NOSIP: variants seen among roughly 807,000 people sequenced by gnomAD.
The protein encoded by NOSIP is nitric oxide synthase-interacting protein.
A neutral mutation model predicts 36.4 loss-of-function variants in NOSIP; 25 were observed. The observed-to-expected ratio is 0.69, with a 90% CI of 0.50 to 0.96. The LOEUF (loss-of-function observed/expected upper bound fraction) is 0.96, where lower values mean the gene tolerates loss of function less well. Ranked by LOEUF, NOSIP falls within the 40% of genes least tolerant of loss-of-function variation. The probability of loss-of-function intolerance (pLI) is 0.00; values close to 1 mark genes in which losing one functional copy is unlikely to be tolerated. For missense variants in NOSIP, 370 were observed against 429.0 expected (o/e 0.86, Z 1.21); for synonymous variants, 187 against 179.2 (o/e 1.04, Z -0.35).
chr19:49,572,972 CAAA>C (rs5828405), intron 1 of NOSIP, among the ~76,000 whole-genome samples: 8 of 60,786 alleles, frequency 1.3e-4, no homozygotes, highest in Non-Finnish European at 9.9e-5. Context: ...GACTGTGTCT[CAAA>C]AAAAAAAAAA....
intron 1 of NOSIP, among the ~76,000 whole-genome samples, chr19:49,563,120 G>C (rs1167427603): frequency 6.6e-6 from 1 of 151,842 alleles, no homozygotes; most frequent in South Asian, 2.1e-4. Flanking sequence ...CTTTGAACTT[G>C]TATTTCCGTT....
chr19:49,570,565 CCT>C (rs1203361199), intron 1 of NOSIP, among the ~76,000 whole-genome samples: 2 of 152,112 alleles, frequency 1.3e-5, no homozygotes, highest in Admixed American at 6.6e-5. Flanking sequence ...CAATGTGCCC[CCT>C]GAGGCAGCCA....
intron 1 of NOSIP, among the ~76,000 whole-genome samples, chr19:49,573,823 T>C (rs2080517055): frequency 6.6e-6 from 1 of 151,886 alleles, no homozygotes; most frequent in Non-Finnish European, 1.5e-5. Flanking sequence ...TGTATTTATT[T>C]TGGAGACAGT....
chr19:49,570,804 G>A (rs1009947237), intron 1 of NOSIP, among the ~76,000 whole-genome samples: 1 of 151,934 alleles, frequency 6.6e-6, no homozygotes, highest in Non-Finnish European at 1.5e-5. Context: ...TCTATTCTTA[G>A]TTGTCAACTC....
Position 49,556,309 on chromosome 19 carries a change from ACT to A in NOSIP, c.834+6_834+7del. On this transcript the variant is annotated splice_donor_region_variant and intron_variant, in intron 8 of 8. Coordinates refer to ENST00000596358, the MANE Select transcript of NOSIP (RefSeq NM_001270960.2). ...GTGCTGGGGGAAGGGGAGGGGTGGG[ACT>A]CTTACCCGCTGCAGCACGATGATGT... The A allele has an allele frequency of 6.3e-7, 1 of 1,586,484 alleles. No homozygotes were observed. The highest frequency in any genetic ancestry group is 1.7e-4 in the Middle Eastern group (1 of 5,828).
intron 1 of NOSIP, among the ~76,000 whole-genome samples, chr19:49,564,804 G>A (rs2080384373): frequency 6.6e-6 from 1 of 152,084 alleles, no homozygotes; most frequent in South Asian, 2.1e-4. Context: ...AAAGAAACTG[G>A]GCCATATCAC....
chr19:49,556,234 G>A, intron 8 of NOSIP, 83 bp downstream of exon 8: 1 of 680,644 alleles, frequency 1.5e-6, no homozygotes. Flanking sequence ...TGGGGGAAGG[G>A]GAGGGGACGA....
At chr19:49,559,324 C>T (rs556691373) in intron 3 of NOSIP, 2 of 221,134 alleles carry the variant, frequency 9.0e-6, no homozygotes, top group South Asian at 1.4e-4. Context: ...CGAGACCAGC[C>T]TGGGCAACAA....
chr19:49,559,999 C>G lies in NOSIP; in HGVS notation c.111G>C (p.Arg37=). The change falls in exon 3 of 9, where the codon CGG becomes CGC. Residue 37 remains arginine, a synonymous_variant. Transcript: ENST00000596358. Reference sequence around the variant, plus strand: ...AGCAGTCGAAGTCCTTCACGGCATCCCGGCTCAGTCGAATGTTCTGGGTCC... The same window carrying G: ...AGCAGTCGAAGTCCTTCACGGCATCGCGGCTCAGTCGAATGTTCTGGGTCC... ...GYGTQNIRLS[R]DAVKDFDCCC... The G allele has an allele frequency of 6.2e-7, 1 of 1,613,922 alleles. No individual in the cohort carries two copies. The highest frequency in any genetic ancestry group is 8.5e-7 in the Non-Finnish European group (1 of 1,179,896).
intron 8 of NOSIP, 146 bp downstream of exon 8, chr19:49,556,171 G>GGC: frequency 8.7e-6 from 1 of 114,386 alleles, no homozygotes; most frequent in Non-Finnish European, 1.6e-5. Context: ...AGGAGAAAGC[G>GGC]GGGGGGGGGG....
intron 1 of NOSIP, among the ~76,000 whole-genome samples, chr19:49,579,439 G>C (rs545190493): frequency 3.1e-4 from 47 of 152,314 alleles, no homozygotes; most frequent in African/African-American, 1.1e-3. Flanking sequence ...GAGATATCAG[G>C]AGAGAGATAA....
intron 1 of NOSIP, among the ~76,000 whole-genome samples, chr19:49,575,067 G>A (rs962791018): frequency 2.6e-5 from 4 of 152,074 alleles, no homozygotes; most frequent in Non-Finnish European, 4.4e-5. Context: ...GTTTCACCAC[G>A]TTAGCCAGGA....
chr19:49,555,845 C>G (rs1352207893), intron 8 of NOSIP, 23 bp from the exon 9 acceptor site: 3 of 1,602,646 alleles, frequency 1.9e-6, no homozygotes, highest in African/African-American at 2.7e-5. Flanking sequence ...GAGAGAAGGA[C>G]GAGGTAGAGG....
Position 49,557,248 on chromosome 19 carries a change from G to T in NOSIP, c.260C>A (p.Ala87Asp). The change falls in exon 5 of 9, where the codon GCC becomes GAC. Residue 87 changes from alanine (A) to aspartate (D), a missense_variant and splice_region_variant. Ala to Asp is a moderately radical substitution (Grantham distance 126). Around this residue, in one of 3 missense-constraint regions of NOSIP, gnomAD observed 315 missense variants for 331.9 expected, o/e 0.95. Transcript: ENST00000596358. ...QKKEIARQMKAYEKQRGTRRE... is the reference protein window; with the variant it reads ...QKKEIARQMKDYEKQRGTRRE... ...CCGGGTGCCCCGCTGCTTCTCGTAG[G>T]CCTGCGTCGGGGAAAGTGGGCTGAG... 6.3e-7 allele frequency: 1 copy of T among 1,580,170 alleles called. No homozygotes were observed. Among genetic ancestry groups the T allele is most frequent in the Non-Finnish European group, 8.6e-7 (1 of 1,164,282 alleles).
At position 49,560,094 on chromosome 19, in the gene NOSIP, C is replaced by T. The variant is rs951586996; in HGVS notation, c.71-55G>A. The T allele has an allele frequency of 3.3e-5, 40 of 1,210,528 alleles. No individual in the cohort carries two copies. The highest frequency in any genetic ancestry group is 4.3e-5 in the Non-Finnish European group (36 of 834,852). The allele number at this position is 1,210,528 out of a possible 1,614,324, so 75.0% of individuals were successfully genotyped here. ...GGGGCGGAGCAACAGGAGACATGTCCGTCTCCAAAGCCCCAGAGAGAGGCA... is the reference window on the plus strand; with the variant it reads ...GGGGCGGAGCAACAGGAGACATGTCTGTCTCCAAAGCCCCAGAGAGAGGCA... On this transcript the variant is annotated intron_variant, in intron 2 of 8. Transcript: ENST00000596358. The surrounding 1 kb of genome is among the most constrained non-coding windows in gnomAD (Gnocchi z 4.6).
intron 6 of NOSIP, 42 bp from the exon 7 acceptor site, chr19:49,556,778 G>A: frequency 6.3e-7 from 1 of 1,585,272 alleles, no homozygotes; most frequent in South Asian, 1.1e-5. Context: ...GGCAGGGCTG[G>A]CGCAGGTGGA....
chr19:49,571,339 G>A (rs895485726), intron 1 of NOSIP, among the ~76,000 whole-genome samples: 3 of 151,966 alleles, frequency 2.0e-5, no homozygotes, highest in South Asian at 2.1e-4. Flanking sequence ...ACCAGAAAGC[G>A]TGAGCGCCTC....
At chr19:49,568,203 C>T (rs1415686160) in intron 1 of NOSIP, among the ~76,000 whole-genome samples, 1 of 152,084 alleles carries the variant, frequency 6.6e-6, no homozygotes, top group South Asian at 2.1e-4. Context: ...TAAGACATAC[C>T]AACATACTCC....
chr19:49,579,372 C>T (rs1006639082), intron 1 of NOSIP: 8 of 152,176 alleles, frequency 5.3e-5, no homozygotes, highest in African/African-American at 1.9e-4. Context: ...AAAATGGAGA[C>T]ACTCATGCTA....
Sources: gnomAD v4.1 joint callset for allele counts (sites outside exome capture counted in the v4.1 genomes callset) on GRCh38, gnomAD v4.1.1 for gene constraint, gnomAD v4.1.1 regional missense constraint, Gnocchi (gnomAD v3.1) non-coding constraint, MANE v1.5 for transcripts, NCBI Gene and HGNC (gene_info 2026-07-23, HGNC 2026-07-21) for gene names.